CROCC: variants seen among roughly 807,000 people sequenced by gnomAD.
CROCC encodes ciliary rootlet coiled-coil, rootletin.
A neutral mutation model predicts 245.2 loss-of-function variants in CROCC; 180 were observed. That is an observed-to-expected ratio of 0.73 (90% CI 0.65 to 0.83). The LOEUF is 0.83. Among genes scored for constraint, CROCC ranks in the 40% least tolerant of loss-of-function variants. The probability of loss-of-function intolerance (pLI) is 0.00; values close to 1 mark genes in which losing one functional copy is unlikely to be tolerated. For synonymous variants in CROCC, 1,205 were observed against 1,241.6 expected (o/e 0.97, Z 0.62); for missense variants, 2,688 against 2,779.4 (o/e 0.97, Z 0.74).
chr1:16,965,402 T>C (rs1281711076), intron 27 of CROCC, among the ~76,000 whole-genome samples: 1 of 152,116 alleles, frequency 6.6e-6, no homozygotes, highest in Non-Finnish European at 1.5e-5. Flanking sequence ...ATCCAGCCTG[T>C]GGCCAGAGAG....
chr1:16,932,702 C>T (rs1446475170), intron 8 of CROCC, among the ~76,000 whole-genome samples: 3 of 152,214 alleles, frequency 2.0e-5, no homozygotes, highest in African/African-American at 4.8e-5. Context: ...CAATGAAGAG[C>T]TGGTACAGGG....
chr1:16,953,568 A>G, intron 21 of CROCC, 87 bp downstream of exon 21: 2 of 1,322,812 alleles, frequency 1.5e-6, no homozygotes, highest in Non-Finnish European at 2.0e-6. Flanking sequence ...GGCAGCTAGG[A>G]GCCCTGGGGC....
chr1:16,942,189 T>G (rs568832862), intron 13 of CROCC, among the ~76,000 whole-genome samples: 2 of 152,378 alleles, frequency 1.3e-5, no homozygotes, highest in South Asian at 4.1e-4. Flanking sequence ...TTTTCTGTTT[T>G]TTGTAGAGAT....
intron 1 of CROCC, among the ~76,000 whole-genome samples, chr1:16,915,201 C>A (rs1426483653): frequency 6.6e-6 from 1 of 152,294 alleles, no homozygotes; most frequent in African/African-American, 2.4e-5. Flanking sequence ...GGTGTCCTTC[C>A]GTGATCCCCG....
intron 28 of CROCC, 21 bp from the exon 29 acceptor site, chr1:16,965,978 T>TC (rs1176895714): frequency 3.1e-6 from 5 of 1,609,090 alleles, no homozygotes; most frequent in Non-Finnish European, 3.4e-6. Context: ...CTGTCTTTGT[T>TC]CCCCCATGTC....
upstream of CROCC, chr1:16,921,870 C>G (rs2075413041): frequency 1.3e-6 from 1 of 768,162 alleles, no homozygotes; most frequent in African/African-American, 1.7e-5. Flanking sequence ...CCTGCTCCTC[C>G]CACCGCGGTG....
rs1285246393 is a variant in CROCC at position 16,936,883 on chromosome 1, T to A, written c.1193+10T>A. 12 of 1,604,872 alleles carry A rather than the reference T, an allele frequency of 7.5e-6. No individual in the cohort carries two copies. Among genetic ancestry groups the A allele is most frequent in the Non-Finnish European group, 2.6e-6 (3 of 1,174,316 alleles). On this transcript the variant is annotated intron_variant, in intron 9 of 36. Transcript: ENST00000375541. ...CTGACCTCAGTGCCAGGTGGGTACC[T>A]GGTGGATGCCGCACGAGGCAGGCGT...
chr1:16,946,935 CAGCAG>C lies in CROCC; in HGVS notation c.2459_2463del (p.Gln820ProfsTer7), dbSNP rs1395359185. ...GGAGCAGGCCCAGGAGGCATTGGAG[CAGCAG>C]CTCCCCACGCTGCGCCATGAGCGCA... On this transcript the variant is annotated frameshift_variant, in exon 17 of 37. Coordinates refer to ENST00000375541, the MANE Select transcript of CROCC (RefSeq NM_014675.5). LOFTEE classifies it high-confidence loss of function. The C allele has an allele frequency of 2.6e-6, 4 of 1,562,568 alleles. No homozygotes were observed. The highest frequency in any genetic ancestry group is 3.5e-6 in the Non-Finnish European group (4 of 1,154,036).
At chr1:16,953,262 C>T (rs567134077) in intron 20 of CROCC, 40 bp from the exon 21 acceptor site, 11 of 1,539,466 alleles carry the variant, frequency 7.1e-6, no homozygotes, top group African/African-American at 5.5e-5. Flanking sequence ...GCCTGGGCCC[C>T]CTCCTGGTGT....
At chr1:16,919,363 T>C (rs2075357069), upstream of CROCC, among the ~76,000 whole-genome samples, 1 of 152,286 alleles carries the variant, frequency 6.6e-6, no homozygotes, top group Admixed American at 6.5e-5. Flanking sequence ...CCAATGTCTC[T>C]GAGCCTCAGT....
rs759018842 is a variant in CROCC at position 16,969,842 on chromosome 1, C to T, written c.5359C>T (p.Leu1787=). 1 of 1,613,312 alleles carries T rather than the reference C, an allele frequency of 6.2e-7. No individual in the cohort carries two copies. The highest frequency in any genetic ancestry group is 1.1e-5 in the South Asian group (1 of 90,990). ...LSEARKQSSS[L]GEQVQTLRGE... ...TGAGGCACGGAAGCAGAGCAGCTCC[C>T]TGGGCGAGCAGGTGCAGACGTTGCG... Residue 1787 remains leucine (L), a synonymous_variant, in exon 33 of 37, where the codon CTG becomes TTG. Coordinates refer to ENST00000375541, the MANE Select transcript of CROCC (RefSeq NM_014675.5).
chr1:16,947,114 G>C, intron 17 of CROCC, 123 bp downstream of exon 17: 2 of 930,996 alleles, frequency 2.1e-6, no homozygotes, highest in East Asian at 2.6e-5. Flanking sequence ...GTTAAATCCA[G>C]CCCCACTTCT....
chr1:16,944,548 G>A (rs2076004541), intron 14 of CROCC, among the ~76,000 whole-genome samples: 1 of 152,302 alleles, frequency 6.6e-6, no homozygotes, highest in African/African-American at 2.4e-5. Context: ...AGTAATATTA[G>A]CAGTAGTATT....
intron 26 of CROCC, among the ~76,000 whole-genome samples, chr1:16,959,625 ACT>A (rs1383135574): frequency 6.6e-6 from 1 of 152,092 alleles, no homozygotes; most frequent in East Asian, 1.9e-4. Flanking sequence ...TGAGAGGTTG[ACT>A]CTCTAAATGG....
chr1:16,949,038 C>T lies in CROCC; in HGVS notation c.2836+112C>T, dbSNP rs1296837129. 3.2e-5 allele frequency: 45 copies of T among 1,416,486 alleles called. No individual in the cohort carries two copies. The African/African-American group carries it at 5.6e-4, about 18-fold the overall frequency. The allele number at this position is 1,416,486 out of a possible 1,614,324, so 87.7% of individuals were successfully genotyped here. A position where few individuals can be genotyped will look rare whatever the true frequency, so the allele number is the denominator to read the frequency against. On this transcript the variant is annotated intron_variant, in intron 19 of 36. Coordinates refer to ENST00000375541, the MANE Select transcript of CROCC (RefSeq NM_014675.5). The stretch of plus-strand genomic sequence containing the variant: ...AGCACTGGAGTAGGAGTCTGGCTGG[C>T]CTGGGTTCCAGTCCTGTGCCACCAC...
At chr1:16,947,036 C>T (rs1419420417) in intron 17 of CROCC, 45 bp downstream of exon 17, 21 of 1,492,762 alleles carry the variant, frequency 1.4e-5, no homozygotes, top group Admixed American at 2.0e-5. Context: ...GCATGTGGGG[C>T]AGGCCGGGCT....
chr1:16,921,639 G>A (rs549961138), upstream of CROCC, among the ~76,000 whole-genome samples: 3 of 152,282 alleles, frequency 2.0e-5, no homozygotes, highest in African/African-American at 7.2e-5. Flanking sequence ...CCCTGGGCTT[G>A]GAGGGCTCTA....
Position 16,948,375 on chromosome 1 carries a change from C to T in CROCC, c.2559C>T (p.Ala853=). ...LSGREQELEQ[A]RREAQRQVEA... The stretch of plus-strand genomic sequence containing the variant: ...GGCGGGAGCAGGAGCTGGAGCAGGC[C>T]CGGCGGGAGGCCCAGCGGCAAGTGG... Residue 853 remains alanine (A), a synonymous_variant, in exon 18 of 37, where the codon GCC becomes GCT. Coordinates refer to ENST00000375541, the MANE Select transcript of CROCC (RefSeq NM_014675.5). 6.3e-7 allele frequency: 1 copy of T among 1,578,656 alleles called. No homozygotes were observed. The highest frequency in any genetic ancestry group is 8.6e-7 in the Non-Finnish European group (1 of 1,165,520).
intron 2 of CROCC, among the ~76,000 whole-genome samples, chr1:16,923,268 G>A (rs537186860): frequency 2.6e-4 from 39 of 152,414 alleles, no homozygotes; most frequent in Admixed American, 8.5e-4. Context: ...GTGGCTTGAG[G>A]ATCTGGGAAA....
Sources: gnomAD v4.1 joint callset for allele counts (sites outside exome capture counted in the v4.1 genomes callset) on GRCh38, gnomAD v4.1.1 for gene constraint, MANE v1.5 for transcripts, NCBI Gene and HGNC (gene_info 2026-07-23, HGNC 2026-07-21) for gene names.